SSBP2: variants seen among roughly 807,000 people sequenced by gnomAD.
The protein encoded by SSBP2 is single-stranded DNA-binding protein 2.
In SSBP2, 17 loss-of-function variants were observed where a neutral mutation model predicts 61.8. That is an observed-to-expected ratio of 0.28 (90% CI 0.19 to 0.41). The LOEUF (loss-of-function observed/expected upper bound fraction) is 0.41, where lower values mean the gene tolerates loss of function less well. Ranked by LOEUF, SSBP2 falls within the 10% of genes least tolerant of loss-of-function variation. The pLI, the probability that SSBP2 is intolerant of heterozygous loss-of-function variation, is 1.00. For missense variants in SSBP2, 310 were observed against 458.7 expected (o/e 0.68, Z 2.96); for synonymous variants, 139 against 141.3 (o/e 0.98, Z 0.12).
At chr5:81,634,404 G>T (rs930069603) in intron 3 of SSBP2, among the ~76,000 whole-genome samples, 4 of 152,100 alleles carry the variant, frequency 2.6e-5, no homozygotes, top group Non-Finnish European at 4.4e-5. Flanking sequence ...AAATGTATTT[G>T]ATTGAAGTCT....
At chr5:81,563,482 T>A (rs375875762) in intron 4 of SSBP2, among the ~76,000 whole-genome samples, 1 of 152,188 alleles carries the variant, frequency 6.6e-6, no homozygotes, top group East Asian at 1.9e-4. Flanking sequence ...AAGAAAGACA[T>A]TGATAAATGA....
intron 4 of SSBP2, 123 bp downstream of exon 4, chr5:81,615,350 A>G (rs940767903): frequency 5.3e-6 from 4 of 752,264 alleles, no homozygotes; most frequent in Non-Finnish European, 9.1e-6. Context: ...TTTCAAGAAA[A>G]AAGAGACCAA....
intron 1 of SSBP2, among the ~76,000 whole-genome samples, chr5:81,697,703 T>C (rs1581370884): frequency 6.6e-6 from 1 of 152,306 alleles, no homozygotes; most frequent in East Asian, 1.9e-4. Flanking sequence ...CTTTCAGCTC[T>C]GCTATCTAAT....
intron 8 of SSBP2, 120 bp downstream of exon 8, chr5:81,473,580 T>C: frequency 1.2e-6 from 1 of 853,814 alleles, no homozygotes; most frequent in Non-Finnish European, 1.9e-6. Flanking sequence ...CATTCCTTTT[T>C]ATGGCTGCAT....
At chr5:81,691,362 G>A (rs2153834897) in intron 1 of SSBP2, among the ~76,000 whole-genome samples, 1 of 151,898 alleles carries the variant, frequency 6.6e-6, no homozygotes, top group South Asian at 2.1e-4. Flanking sequence ...TGAAATCAGA[G>A]ATGAAAAACG....
intron 4 of SSBP2, among the ~76,000 whole-genome samples, chr5:81,610,442 C>T (rs1745331812): frequency 6.6e-6 from 1 of 152,086 alleles, no homozygotes; most frequent in South Asian, 2.1e-4. Context: ...TTAAATCCAC[C>T]TTGAAAATAT....
chr5:81,548,748 C>T (rs1771943660), intron 4 of SSBP2, among the ~76,000 whole-genome samples: 1 of 152,060 alleles, frequency 6.6e-6, no homozygotes, highest in Admixed American at 6.6e-5. Context: ...CAGTGAAATC[C>T]CGTCTCTACT....
intron 1 of SSBP2, among the ~76,000 whole-genome samples, chr5:81,675,099 A>G (rs1226363922): frequency 2.6e-5 from 4 of 152,190 alleles, no homozygotes; most frequent in Admixed American, 6.5e-5. Flanking sequence ...CAGAGCCTTA[A>G]TAAGGTATTC....
intron 1 of SSBP2, among the ~76,000 whole-genome samples, chr5:81,732,726 G>GT (rs1303389877): frequency 1.3e-5 from 2 of 152,204 alleles, no homozygotes; most frequent in African/African-American, 4.8e-5. Flanking sequence ...AGAAGAAATT[G>GT]TGACTACAGG....
At chr5:81,591,733 T>A (rs2972239) in intron 4 of SSBP2, among the ~76,000 whole-genome samples, 36,547 of 151,412 alleles carry the variant, frequency 0.24, 5,864 homozygotes, top group East Asian at 0.69. Context: ...GTACTCAAAC[T>A]GAAACACAGA....
intron 4 of SSBP2, among the ~76,000 whole-genome samples, chr5:81,604,128 T>C (rs1173843251): frequency 6.6e-6 from 1 of 152,106 alleles, no homozygotes; most frequent in Non-Finnish European, 1.5e-5. Flanking sequence ...AAATTCTATA[T>C]TTACTATGCA....
intron 10 of SSBP2, among the ~76,000 whole-genome samples, chr5:81,452,023 G>T (rs1763808344): frequency 6.6e-6 from 1 of 152,094 alleles, no homozygotes; most frequent in Non-Finnish European, 1.5e-5. Context: ...ATTTGAGCTG[G>T]ACAGTTGGGA....
chr5:81,445,870 C>T (rs1410772910), intron 12 of SSBP2, among the ~76,000 whole-genome samples: 1 of 152,060 alleles, frequency 6.6e-6, no homozygotes, highest in Non-Finnish European at 1.5e-5. Context: ...TCTTTGTTTT[C>T]TACTTTCTAG....
intron 4 of SSBP2, among the ~76,000 whole-genome samples, chr5:81,586,118 A>G (rs192863656): frequency 6.6e-6 from 1 of 152,310 alleles, no homozygotes; most frequent in African/African-American, 2.4e-5. Flanking sequence ...GAATGCAAAT[A>G]TCTCTTTGAC....
At chr5:81,529,274 A>T (rs1360062472) in intron 4 of SSBP2, among the ~76,000 whole-genome samples, 3 of 152,150 alleles carry the variant, frequency 2.0e-5, no homozygotes, top group Non-Finnish European at 2.9e-5. Context: ...AGTAAAGAGA[A>T]ATATCTCTGA....
chr5:81,576,235 T>C (rs1371037515), intron 4 of SSBP2, among the ~76,000 whole-genome samples: 1 of 152,064 alleles, frequency 6.6e-6, no homozygotes, highest in Non-Finnish European at 1.5e-5. Context: ...TGTCAGTTTT[T>C]GCTACTACTC....
intron 4 of SSBP2, among the ~76,000 whole-genome samples, chr5:81,555,146 A>G (rs939173048): frequency 2.0e-5 from 3 of 152,132 alleles, no homozygotes; most frequent in Non-Finnish European, 2.9e-5. Context: ...TTACAAAACA[A>G]GGTCCTCCAC....
At chr5:81,537,202 G>T (rs1188626700) in intron 4 of SSBP2, among the ~76,000 whole-genome samples, 1 of 151,938 alleles carries the variant, frequency 6.6e-6, no homozygotes, top group African/African-American at 2.4e-5. Flanking sequence ...CCAAATTTTT[G>T]GGGGGGATTT....
intron 12 of SSBP2, among the ~76,000 whole-genome samples, chr5:81,444,427 G>C (rs1256575754): frequency 6.6e-6 from 1 of 152,092 alleles, no homozygotes. Flanking sequence ...AGTTCCAAGT[G>C]CATGAGTGCT....
Sources: gnomAD v4.1 joint callset for allele counts (sites outside exome capture counted in the v4.1 genomes callset) on GRCh38, gnomAD v4.1.1 for gene constraint, MANE v1.5 for transcripts, NCBI Gene and HGNC (gene_info 2026-07-23, HGNC 2026-07-21) for gene names.